Variants in BUB3 observed in about 807,000 individuals in gnomAD.
The protein encoded by BUB3 is mitotic checkpoint protein BUB3.
Under a neutral mutation model 39.9 loss-of-function variants are expected in BUB3, and 22 were observed. The observed-to-expected ratio is 0.55, with a 90% CI of 0.39 to 0.79. The LOEUF (loss-of-function observed/expected upper bound fraction) is 0.79. BUB3 is among the 30% of genes least tolerant of loss of function. The probability of loss-of-function intolerance (pLI) is 0.00; values close to 1 mark genes in which losing one functional copy is unlikely to be tolerated. For missense variants in BUB3, 303 were observed against 415.4 expected (o/e 0.73, Z 2.35); for synonymous variants, 168 against 155.1 (o/e 1.08, Z -0.62).
In BUB3 at chr10:123,162,991, T is replaced by C. The variant is rs915956306; in HGVS notation, c.971+163T>C. 22 of 677,724 alleles carry C rather than the reference T, an allele frequency of 3.2e-5. 1 individual carries two copies. The highest frequency in any genetic ancestry group is 6.5e-5 in the Admixed American group (2 of 30,870). The allele number at this position is 677,724 out of a possible 1,614,324, so 42.0% of individuals were successfully genotyped here. A position where few individuals can be genotyped will look rare whatever the true frequency, so the allele number is the denominator to read the frequency against. On this transcript the variant is annotated intron_variant, in intron 7 of 7. Coordinates refer to ENST00000368865, the MANE Select transcript of BUB3 (RefSeq NM_004725.4). ...TGTTCTCCCAAGCTTTCAATATCCGTAGGTTGATAGACGTCTGATGGATAA... is the reference window on the plus strand; with the variant it reads ...TGTTCTCCCAAGCTTTCAATATCCGCAGGTTGATAGACGTCTGATGGATAA...
In BUB3 at chr10:123,164,757, G is replaced by A. The variant is rs1383020019; in HGVS notation, c.*922G>A. 2.6e-6 allele frequency: 3 copies of A among 1,138,082 alleles called. No homozygotes were observed. Among genetic ancestry groups the A allele is most frequent in the Non-Finnish European group, 3.2e-6 (3 of 928,534 alleles). The allele number at this position is 1,138,082 out of a possible 1,614,324, so 70.5% of individuals were successfully genotyped here. On this transcript the variant is annotated 3_prime_UTR_variant, in exon 8 of 8. Transcript: ENST00000368865. ...AAGTTAAAAAGAAAAAAATTATAGT[G>A]AGAATGAGATTCATTTCAATGTAAT...
intron 3 of BUB3, among the ~76,000 whole-genome samples, chr10:123,157,514 A>G (rs749020710): frequency 2.4e-4 from 36 of 152,254 alleles, no homozygotes; most frequent in Non-Finnish European, 4.3e-4. Context: ...CTAGTGAGTC[A>G]TGTGAAGTGT....
chr10:123,157,680 G>T, intron 3 of BUB3, 49 bp from the exon 4 acceptor site: 1 of 1,502,286 alleles, frequency 6.7e-7, no homozygotes, highest in South Asian at 1.3e-5. Flanking sequence ...CTTTAGTAAA[G>T]GTAGTAAGCT....
At chr10:123,160,706 T>G (rs2133568786) in intron 5 of BUB3, 141 bp downstream of exon 5, 1 of 801,864 alleles carries the variant, frequency 1.2e-6, no homozygotes, top group East Asian at 3.1e-5. Context: ...GTATTCTTCC[T>G]TGATATTTTT....
Position 123,167,340 on chromosome 10 carries a change from T to C in BUB3, c.*3505T>C, listed in dbSNP as rs1844505098. The stretch of plus-strand genomic sequence containing the variant: ...CAAAGTCCTGTTCAAGGCCCCCTTT[T>C]CCATGAAGCCCTTCTTCCTTGTTGC... On this transcript the variant is annotated 3_prime_UTR_variant, in exon 8 of 8. Transcript: ENST00000368865. 6.6e-6 allele frequency: 1 copy of C among 152,230 alleles called. No individual in the cohort carries two copies. 9.4% of individuals were successfully genotyped at this position (152,230 alleles called of 1,614,324 possible).
intron 1 of BUB3, 128 bp from the exon 2 acceptor site, chr10:123,154,790 C>A: frequency 9.8e-7 from 1 of 1,024,618 alleles, no homozygotes; most frequent in Non-Finnish European, 1.4e-6. Flanking sequence ...TCGGCGCAGG[C>A]GCAAGCGCAG....
intron 3 of BUB3, among the ~76,000 whole-genome samples, chr10:123,157,402 G>A (rs978447598): frequency 2.6e-5 from 4 of 152,202 alleles, no homozygotes; most frequent in African/African-American, 9.7e-5. Flanking sequence ...AGAGGTAAAC[G>A]CAGTTCCTGA....
intron 6 of BUB3, 84 bp from the exon 7 acceptor site, chr10:123,162,528 A>T: frequency 6.4e-7 from 1 of 1,554,394 alleles, no homozygotes; most frequent in Non-Finnish European, 8.7e-7. Flanking sequence ...AACTTCTATG[A>T]CCTTAAAAAT....
rs1340863178 is a variant in BUB3 at position 123,167,046 on chromosome 10, G to A, written c.*3211G>A. ...CTCAACGCACATTAGCCTACTGAGAGCTTAGATCACTACAACGAATCCTTG... is the reference window on the plus strand; with the variant it reads ...CTCAACGCACATTAGCCTACTGAGAACTTAGATCACTACAACGAATCCTTG... On this transcript the variant is annotated 3_prime_UTR_variant, in exon 8 of 8. Coordinates refer to ENST00000368865, the MANE Select transcript of BUB3 (RefSeq NM_004725.4). 1.3e-5 allele frequency: 2 copies of A among 152,212 alleles called. No individual in the cohort carries two copies. The highest frequency in any genetic ancestry group is 3.8e-4 in the East Asian group (2 of 5,202). 9.4% of individuals were successfully genotyped at this position (152,212 alleles called of 1,614,324 possible).
At chr10:123,155,582 A>T in intron 2 of BUB3, 76 bp from the exon 3 acceptor site, 1 of 1,381,140 alleles carries the variant, frequency 7.2e-7, no homozygotes, top group Non-Finnish European at 1.0e-6. Context: ...TAAACTGAAC[A>T]CTTGCTTGTA....
Position 123,165,198 on chromosome 10 carries a change from C to A in BUB3, c.*1363C>A, listed in dbSNP as rs1251205715. The A allele has an allele frequency of 6.1e-6, 6 of 983,888 alleles. No individual in the cohort carries two copies. The highest frequency in any genetic ancestry group is 9.2e-6 in the Non-Finnish European group (6 of 649,982). 60.9% of individuals were successfully genotyped at this position (983,888 alleles called of 1,614,324 possible). On this transcript the variant is annotated 3_prime_UTR_variant, in exon 8 of 8. Transcript: ENST00000368865. ...AGAAACTTGTCTATGTACCTTAATA[C>A]TTTGTTTAGGATGAGGAGTCTTTGT...
rs143303617 is a variant in BUB3, at chr10:123,168,527, T to G, written c.*4692T>G. 9 of 152,270 alleles carry G rather than the reference T, an allele frequency of 5.9e-5. 1 individual carries two copies. The highest frequency in any genetic ancestry group is 2.2e-4 in the African/African-American group (9 of 41,544). 9.4% of individuals were successfully genotyped at this position (152,270 alleles called of 1,614,324 possible). Reference sequence around the variant, plus strand: ...GGTGGCCCAAAACAAATTCATAAACTTTTGTAAAACGTGAGATTTTTTGTG... The same window carrying G: ...GGTGGCCCAAAACAAATTCATAAACGTTTGTAAAACGTGAGATTTTTTGTG... On this transcript the variant is annotated 3_prime_UTR_variant, in exon 8 of 8. Transcript: ENST00000368865.
rs1399849681 is a variant in BUB3, at chr10:123,165,181, G to C, written c.*1346G>C. 3 of 1,149,126 alleles carry C rather than the reference G, an allele frequency of 2.6e-6. No individual in the cohort carries two copies. Among genetic ancestry groups the C allele is most frequent in the African/African-American group, 1.5e-5 (1 of 65,268 alleles). 71.2% of individuals were successfully genotyped at this position (1,149,126 alleles called of 1,614,324 possible). ...CTGTTTTCTGTCTTACAAGAAACTT[G>C]TCTATGTACCTTAATACTTTGTTTA... is the stretch of plus-strand genomic sequence containing the variant. On this transcript the variant is annotated 3_prime_UTR_variant, in exon 8 of 8. Transcript: ENST00000368865.
At chr10:123,154,782 G>C in intron 1 of BUB3, 136 bp from the exon 2 acceptor site, 2 of 941,672 alleles carry the variant, frequency 2.1e-6, no homozygotes, top group Non-Finnish European at 3.1e-6. Flanking sequence ...GCGAGTGCTC[G>C]GCGCAGGCGC....
chr10:123,154,979 A>G lies in BUB3; in HGVS notation c.62A>G (p.Lys21Arg), dbSNP rs1324975300. ...QPPEDGISSV[K>R]FSPNTSQFLL... ...CCCGAGGATGGCATCTCCTCCGTGA[A>G]GTTCAGCCCCAACACCTCCCAGTTC... The change falls in exon 2 of 8, where the codon AAG becomes AGG. Residue 21 changes from lysine to arginine, a missense_variant. By Grantham distance (26) the Lys-to-Arg change is conservative (BLOSUM62 2). Around this residue, in one of 2 missense-constraint regions of BUB3, gnomAD observed 121 missense variants for 122.3 expected, o/e 0.99. Coordinates refer to ENST00000368865, the MANE Select transcript of BUB3 (RefSeq NM_004725.4). 6.2e-7 allele frequency: 1 copy of G among 1,614,110 alleles called. No homozygotes were observed. Among genetic ancestry groups the G allele is most frequent in the Admixed American group, 1.7e-5 (1 of 60,016 alleles).
At position 123,157,783 on chromosome 10, in the gene BUB3, A is replaced by C; in HGVS notation, c.320A>C (p.Glu107Ala). The change falls in exon 4 of 8, where the codon GAA becomes GCA. Residue 107 changes from glutamate (E) to alanine (A), a missense_variant. Transcript: ENST00000368865. ...ATCAGATGTGTTGAATACTGTCCAGAAGTGAATGTGATGGTCACTGGAAGT... is the reference window on the plus strand; with the variant it reads ...ATCAGATGTGTTGAATACTGTCCAGCAGTGAATGTGATGGTCACTGGAAGT... The part of the protein sequence containing the change: ...APIRCVEYCP[E>A]VNVMVTGSWD... 1 of 1,614,074 alleles carries C rather than the reference A, an allele frequency of 6.2e-7. No individual in the cohort carries two copies. The highest frequency in any genetic ancestry group is 8.5e-7 in the Non-Finnish European group (1 of 1,179,974).
chr10:123,163,086 G>T, intron 7 of BUB3: 1 of 433,678 alleles, frequency 2.3e-6, no homozygotes, highest in South Asian at 3.2e-5. Flanking sequence ...TCTATTATTT[G>T]AATCTCTGGA....
Position 123,164,062 on chromosome 10 carries a change from C to T in BUB3, c.*227C>T. Reference sequence around the variant, plus strand: ...GCTGCATTAAAGGTATTTGGGCAAACAAAATTGGAGGGCAAGTGACTGCAG... The same window carrying T: ...GCTGCATTAAAGGTATTTGGGCAAATAAAATTGGAGGGCAAGTGACTGCAG... On this transcript the variant is annotated 3_prime_UTR_variant, in exon 8 of 8. Coordinates refer to ENST00000368865, the MANE Select transcript of BUB3 (RefSeq NM_004725.4). The T allele has an allele frequency of 8.3e-7, 1 of 1,211,710 alleles. No individual in the cohort carries two copies. Among genetic ancestry groups the T allele is most frequent in the Admixed American group, 4.4e-5 (1 of 22,686 alleles). The allele number at this position is 1,211,710 out of a possible 1,614,324, so 75.1% of individuals were successfully genotyped here. A position where few individuals can be genotyped will look rare whatever the true frequency, so the allele number is the denominator to read the frequency against.
At position 123,165,084 on chromosome 10, in the gene BUB3, GA is replaced by G; in HGVS notation, c.*1252del. The stretch of plus-strand genomic sequence containing the variant: ...ATCCTGTGAAAGTGGTTTCTCTATG[GA>G]AAGCTTTGTTTGCTTCCTACAAATA... On this transcript the variant is annotated 3_prime_UTR_variant, in exon 8 of 8. Coordinates refer to ENST00000368865, the MANE Select transcript of BUB3 (RefSeq NM_004725.4). 6.2e-7 allele frequency: 1 copy of G among 1,606,638 alleles called. No homozygotes were observed.
Sources: allele counts gnomAD v4.1 joint callset (sites outside exome capture counted in the v4.1 genomes callset), GRCh38; gene constraint gnomAD v4.1.1; regional missense constraint gnomAD v4.1.1; transcripts MANE v1.5; gene names NCBI Gene and HGNC (gene_info 2026-07-23, HGNC 2026-07-21).